Variants in TAFA2 observed in about 807,000 individuals in gnomAD.
TAFA2 encodes chemokine-like protein TAFA-2.
A neutral mutation model predicts 18.8 loss-of-function variants in TAFA2; 7 were observed. The ratio of observed to expected loss-of-function variants is 0.37; its 90% CI spans 0.21 to 0.70. TAFA2 has a LOEUF of 0.70. Among genes scored for constraint, TAFA2 ranks in the 30% least tolerant of loss-of-function variants. The probability of loss-of-function intolerance (pLI) is 0.53; values close to 1 mark genes in which losing one functional copy is unlikely to be tolerated. For synonymous variants in TAFA2, 60 were observed against 54.2 expected (o/e 1.11, Z -0.47); for missense variants, 122 against 158.1 (o/e 0.77, Z 1.23).
intron 2 of TAFA2, among the ~76,000 whole-genome samples, chr12:61,781,449 C>A (rs753656907): frequency 3.3e-5 from 5 of 151,756 alleles, no homozygotes; most frequent in Non-Finnish European, 7.4e-5. Context: ...TTTTATTAAA[C>A]ATATTTTACT....
chr12:61,870,687 G>C (rs1874560897), intron 1 of TAFA2, among the ~76,000 whole-genome samples: 1 of 151,880 alleles, frequency 6.6e-6, no homozygotes. Context: ...ATGACTTCCA[G>C]CTAAATCTTA....
At chr12:61,970,168 CACTA>C (rs1295144461) in intron 1 of TAFA2, among the ~76,000 whole-genome samples, 1 of 150,194 alleles carries the variant, frequency 6.7e-6, no homozygotes, top group Admixed American at 6.6e-5. Context: ...TTATTCCTGA[CACTA>C]AGAGCAAAAA....
intron 1 of TAFA2, among the ~76,000 whole-genome samples, chr12:62,071,530 C>A (rs946969599): frequency 6.6e-6 from 1 of 151,984 alleles, no homozygotes; most frequent in Admixed American, 6.6e-5. Flanking sequence ...TTATTTGAGG[C>A]CAGGAGCTGG....
intron 1 of TAFA2, chr12:62,253,445 A>C (rs1386115789): frequency 6.6e-6 from 1 of 152,244 alleles, no homozygotes; most frequent in Non-Finnish European, 1.5e-5. Flanking sequence ...GAGACAACAG[A>C]AGTATTGTCT....
At chr12:62,246,490 G>A (rs972589089) in intron 1 of TAFA2, among the ~76,000 whole-genome samples, 2 of 152,128 alleles carry the variant, frequency 1.3e-5, no homozygotes, top group Admixed American at 6.5e-5. Flanking sequence ...TAATTGGGCT[G>A]AAGAATCAAT....
At chr12:61,758,831 C>T (rs1359251068) in intron 2 of TAFA2, among the ~76,000 whole-genome samples, 1 of 151,854 alleles carries the variant, frequency 6.6e-6, no homozygotes, top group Non-Finnish European at 1.5e-5. Context: ...ATTTAGGGAA[C>T]CAGGGATGTG....
chr12:61,935,369 C>T (rs1877720238), intron 1 of TAFA2, among the ~76,000 whole-genome samples: 1 of 152,084 alleles, frequency 6.6e-6, no homozygotes, highest in African/African-American at 2.4e-5. Flanking sequence ...TGCAATAATT[C>T]ATCAAAAGCC....
At chr12:62,079,964 A>G (rs1186885584) in intron 1 of TAFA2, among the ~76,000 whole-genome samples, 1 of 152,158 alleles carries the variant, frequency 6.6e-6, no homozygotes, top group East Asian at 1.9e-4. Flanking sequence ...GCACAAAGAG[A>G]CTGGTTTCTC....
At chr12:61,934,110 C>A (rs185211829) in intron 1 of TAFA2, among the ~76,000 whole-genome samples, 1 of 152,122 alleles carries the variant, frequency 6.6e-6, no homozygotes, top group East Asian at 1.9e-4. Context: ...TACAACATAT[C>A]GCAAAACCTA....
chr12:62,202,527 G>C (rs1202734572), intron 1 of TAFA2, among the ~76,000 whole-genome samples: 2 of 151,760 alleles, frequency 1.3e-5, no homozygotes, highest in Non-Finnish European at 2.9e-5. Flanking sequence ...TAGTAGAGGT[G>C]GACAGACTGG....
intron 2 of TAFA2, among the ~76,000 whole-genome samples, chr12:61,770,254 C>T (rs150327946): frequency 2.0e-5 from 3 of 151,862 alleles, no homozygotes; most frequent in Non-Finnish European, 4.4e-5. Flanking sequence ...TTAATCAAAC[C>T]TAAGAATAAT....
intron 1 of TAFA2, among the ~76,000 whole-genome samples, chr12:62,203,318 T>A (rs577236497): frequency 1.3e-5 from 2 of 152,374 alleles, no homozygotes; most frequent in African/African-American, 4.8e-5. Flanking sequence ...ATTCTGTTGT[T>A]TTTGGGTGGA....
At chr12:62,124,074 TA>T (rs1437170902) in intron 1 of TAFA2, among the ~76,000 whole-genome samples, 1 of 152,168 alleles carries the variant, frequency 6.6e-6, no homozygotes, top group Non-Finnish European at 1.5e-5. Flanking sequence ...AAGTGGTTTT[TA>T]AACCACTGCG....
intron 1 of TAFA2, among the ~76,000 whole-genome samples, chr12:61,898,892 G>A (rs930170219): frequency 5.9e-5 from 9 of 152,070 alleles, no homozygotes; most frequent in African/African-American, 1.9e-4. Context: ...AACGTTTTAT[G>A]CTCTCTGCTC....
At chr12:61,953,867 A>G (rs1878555319) in intron 1 of TAFA2, among the ~76,000 whole-genome samples, 1 of 152,196 alleles carries the variant, frequency 6.6e-6, no homozygotes, top group South Asian at 2.1e-4. Context: ...AGTGCGGTGT[A>G]GTCACCGCAC....
At chr12:62,198,966 G>C (rs928501629) in intron 1 of TAFA2, among the ~76,000 whole-genome samples, 1 of 152,140 alleles carries the variant, frequency 6.6e-6, no homozygotes. Flanking sequence ...ACATGTAGTA[G>C]GCAAATATAA....
chr12:61,906,668 G>A (rs1336124567), intron 1 of TAFA2, among the ~76,000 whole-genome samples: 6 of 152,264 alleles, frequency 3.9e-5, no homozygotes, highest in Admixed American at 3.9e-4. Context: ...AGTTTGGAAG[G>A]CCCAGAAGCC....
intron 2 of TAFA2, among the ~76,000 whole-genome samples, chr12:61,785,913 T>A (rs1456919063): frequency 6.6e-6 from 1 of 151,074 alleles, no homozygotes; most frequent in African/African-American, 2.4e-5. Context: ...TTAAAAAAAA[T>A]TAGGGAGGGG....
chr12:62,049,676 A>T (rs998382328), intron 1 of TAFA2, among the ~76,000 whole-genome samples: 3 of 152,214 alleles, frequency 2.0e-5, no homozygotes, highest in African/African-American at 7.2e-5. Flanking sequence ...ATCTTGCTAG[A>T]AAGTCAACAT....
Sources: gnomAD v4.1 joint callset for allele counts (sites outside exome capture counted in the v4.1 genomes callset) on GRCh38, gnomAD v4.1.1 for gene constraint, MANE v1.5 for transcripts, NCBI Gene and HGNC (gene_info 2026-07-23, HGNC 2026-07-21) for gene names.